The following EHBP1 variants were observed in gnomAD, a reference collection of about 807,000 sequenced individuals.
EHBP1 encodes EH domain-binding protein 1.
Under a neutral mutation model 144.0 loss-of-function variants are expected in EHBP1, and 55 were observed. The observed-to-expected ratio is 0.38, with a 90% CI of 0.31 to 0.48. EHBP1 has a LOEUF of 0.48. Among genes scored for constraint, EHBP1 ranks in the 20% least tolerant of loss-of-function variants. EHBP1 has a pLI of 0.98. For synonymous variants in EHBP1, 469 were observed against 472.7 expected (o/e 0.99, Z 0.10); for missense variants, 1,200 against 1,364.2 (o/e 0.88, Z 1.90).
At chr2:62,859,132 A>C in intron 7 of EHBP1, 37 bp from the exon 8 acceptor site, 1 of 1,567,080 alleles carries the variant, frequency 6.4e-7, no homozygotes, top group Non-Finnish European at 8.7e-7. Flanking sequence ...CTTACACTTA[A>C]CCATAATAGG....
chr2:62,885,542 A>G (rs965674265), intron 10 of EHBP1, among the ~76,000 whole-genome samples: 2 of 152,184 alleles, frequency 1.3e-5, no homozygotes, highest in Non-Finnish European at 2.9e-5. Flanking sequence ...TATGCAAACT[A>G]CTAGATAAAA....
At chr2:62,943,633 A>C (rs2056902977) in intron 11 of EHBP1, among the ~76,000 whole-genome samples, 169 bp from the exon 12 acceptor site, 1 of 152,048 alleles carries the variant, frequency 6.6e-6, no homozygotes, top group Non-Finnish European at 1.5e-5. Context: ...TCATTTATTT[A>C]TTTATTTCTT....
At chr2:62,876,583 C>G (rs2050906280) in intron 10 of EHBP1, among the ~76,000 whole-genome samples, 1 of 152,164 alleles carries the variant, frequency 6.6e-6, no homozygotes, top group Non-Finnish European at 1.5e-5. Flanking sequence ...TAAAGAACTA[C>G]TCAAGACTGG....
In EHBP1 at chr2:62,809,853, T is replaced by A. The variant is rs538080562; in HGVS notation, c.313-16234T>A. Among the ~76,000 whole-genome samples, 170 of 151,834 alleles carry A rather than the reference T, an allele frequency of 1.1e-3. No homozygotes were observed. In the South Asian group the frequency reaches 0.011, roughly 10 times the overall value. On this transcript the variant is annotated intron_variant, in intron 5 of 22. Coordinates refer to ENST00000431489, the MANE Select transcript of EHBP1 (RefSeq NM_001142616.3). ...CTCTACAAAATACCTCCAAAAAAAA[T>A]TTTTTTTTGCTGTCCTGTACAAAAC... is the stretch of plus-strand genomic sequence containing the variant.
chr2:62,699,862 C>A (rs967427150), intron 1 of EHBP1, among the ~76,000 whole-genome samples: 2 of 152,288 alleles, frequency 1.3e-5, no homozygotes, highest in African/African-American at 4.8e-5. Context: ...CAGTCTCTAC[C>A]TGAGTTTCAA....
chr2:62,767,520 A>G (rs2152336077), intron 4 of EHBP1, among the ~76,000 whole-genome samples: 1 of 151,720 alleles, frequency 6.6e-6, no homozygotes, highest in East Asian at 1.9e-4. Context: ...AACATGGTGA[A>G]ACCCCATCTC....
intron 10 of EHBP1, among the ~76,000 whole-genome samples, chr2:62,920,387 C>T (rs909367138): frequency 1.3e-5 from 2 of 151,984 alleles, no homozygotes; most frequent in African/African-American, 2.4e-5. Flanking sequence ...AACTGCCCTT[C>T]AAAAATGAGG....
intron 2 of EHBP1, among the ~76,000 whole-genome samples, chr2:62,739,642 C>T (rs989717025): frequency 6.6e-6 from 1 of 151,868 alleles, no homozygotes; most frequent in African/African-American, 2.4e-5. Context: ...TTACAAATAT[C>T]CTTATATTAG....
intron 2 of EHBP1, among the ~76,000 whole-genome samples, chr2:62,734,587 C>G (rs568552806): frequency 7.2e-5 from 11 of 152,176 alleles, no homozygotes; most frequent in Admixed American, 5.2e-4. Context: ...ACAATTGGGT[C>G]TTGTTTTTTG....
chr2:62,973,700 T>C (rs1018018201), intron 14 of EHBP1, among the ~76,000 whole-genome samples: 6 of 152,310 alleles, frequency 3.9e-5, no homozygotes, highest in African/African-American at 1.4e-4. Flanking sequence ...TTTTTTAAGT[T>C]TAGAAACACT....
At chr2:62,996,230 T>C (rs951395666) in intron 18 of EHBP1, among the ~76,000 whole-genome samples, 1 of 152,164 alleles carries the variant, frequency 6.6e-6, no homozygotes, top group Non-Finnish European at 1.5e-5. Flanking sequence ...GTCAATTCCT[T>C]ACTAGAACTC....
intron 9 of EHBP1, among the ~76,000 whole-genome samples, chr2:62,865,734 A>G (rs2049984508): frequency 6.6e-6 from 1 of 152,222 alleles, no homozygotes; most frequent in African/African-American, 2.4e-5. Context: ...TCCCTGAGAG[A>G]ACAGAAACAA....
At chr2:62,823,213 G>A (rs1236280125) in intron 5 of EHBP1, among the ~76,000 whole-genome samples, 1 of 151,992 alleles carries the variant, frequency 6.6e-6, no homozygotes, top group Non-Finnish European at 1.5e-5. Context: ...AAGAACCTTT[G>A]CTTTAGGGAT....
At chr2:62,919,927 G>C (rs1431217604) in intron 10 of EHBP1, among the ~76,000 whole-genome samples, 1 of 152,084 alleles carries the variant, frequency 6.6e-6, no homozygotes, top group Non-Finnish European at 1.5e-5. Context: ...GCAGAAGAGA[G>C]AATCATAGGA....
chr2:62,790,179 A>G (rs2043079698), intron 5 of EHBP1, among the ~76,000 whole-genome samples: 1 of 152,198 alleles, frequency 6.6e-6, no homozygotes. Context: ...TAAATGAAGA[A>G]ACTAGTCCTT....
intron 12 of EHBP1, among the ~76,000 whole-genome samples, chr2:62,946,452 T>C (rs2057076871): frequency 6.6e-6 from 1 of 152,248 alleles, no homozygotes. Flanking sequence ...TTTCATCATT[T>C]GCTACTTCTT....
chr2:62,960,917 T>C lies in EHBP1; in HGVS notation c.2460+5257T>C, dbSNP rs117280651. ...AATCGTACATTATGATACCTTTCTT[T>C]GTTGTTATGATGTGTGTATGCCAAA... On this transcript the variant is annotated intron_variant, in intron 14 of 22. Transcript: ENST00000431489. 4.3e-4 allele frequency among the ~76,000 whole-genome samples: 65 copies of C among 152,344 alleles called. No homozygotes were observed. In the East Asian group the frequency reaches 0.011, roughly 25 times the overall value.
intron 1 of EHBP1, among the ~76,000 whole-genome samples, chr2:62,683,093 T>C (rs1423273131): frequency 6.6e-6 from 1 of 152,108 alleles, no homozygotes. Context: ...CTGAAAATTT[T>C]AGGCTTAGCT....
At chr2:62,699,613 G>A (rs2034212564) in intron 1 of EHBP1, among the ~76,000 whole-genome samples, 2 of 152,162 alleles carry the variant, frequency 1.3e-5, no homozygotes, top group Non-Finnish European at 2.9e-5. Flanking sequence ...CTAGAGTTAG[G>A]GCTGGTATTT....
Sources: allele counts gnomAD v4.1 joint callset (sites outside exome capture counted in the v4.1 genomes callset), GRCh38; gene constraint gnomAD v4.1.1; transcripts MANE v1.5; gene names NCBI Gene and HGNC (gene_info 2026-07-23, HGNC 2026-07-21).